Variants in MAN1A1 observed in about 807,000 individuals in gnomAD.
The protein encoded by MAN1A1 is mannosyl-oligosaccharide 1,2-alpha-mannosidase IA.
A neutral mutation model predicts 70.8 loss-of-function variants in MAN1A1; 29 were observed. That is an observed-to-expected ratio of 0.41 (90% confidence interval 0.31 to 0.56). The LOEUF (loss-of-function observed/expected upper bound fraction) is 0.56. Ranked by LOEUF, MAN1A1 falls within the 20% of genes least tolerant of loss-of-function variation. MAN1A1 has a pLI of 0.29. For missense variants in MAN1A1, 747 were observed against 841.3 expected (o/e 0.89, Z 1.39); for synonymous variants, 349 against 330.1 (o/e 1.06, Z -0.62).
At chr6:119,232,708 T>C (rs1774721364) in intron 6 of MAN1A1, among the ~76,000 whole-genome samples, 1 of 150,578 alleles carries the variant, frequency 6.6e-6, no homozygotes, top group Admixed American at 6.6e-5. Context: ...TGTGTGTGTG[T>C]GTGTGTGTGT....
At chr6:119,292,889 T>G (rs1028897990) in intron 4 of MAN1A1, among the ~76,000 whole-genome samples, 4 of 152,100 alleles carry the variant, frequency 2.6e-5, no homozygotes, top group Non-Finnish European at 5.9e-5. Context: ...AAATTACTGA[T>G]AAGGAAAAGC....
At chr6:119,306,480 G>C (rs1772528111) in intron 3 of MAN1A1, among the ~76,000 whole-genome samples, 1 of 152,138 alleles carries the variant, frequency 6.6e-6, no homozygotes, top group African/African-American at 2.4e-5. Context: ...TTGAGATACA[G>C]TGAAGATCAC....
chr6:119,234,886 C>T (rs1438412330), intron 6 of MAN1A1, among the ~76,000 whole-genome samples: 3 of 152,190 alleles, frequency 2.0e-5, no homozygotes, highest in Non-Finnish European at 4.4e-5. Flanking sequence ...ACAGCCTGTG[C>T]TCACGTTGTG....
At chr6:119,263,597 C>T (rs1299000151) in intron 5 of MAN1A1, among the ~76,000 whole-genome samples, 7 of 152,268 alleles carry the variant, frequency 4.6e-5, no homozygotes, top group African/African-American at 1.7e-4. Context: ...TACCTAACTT[C>T]CATGACACGC....
chr6:119,342,638 G>A (rs1773626701), intron 2 of MAN1A1, among the ~76,000 whole-genome samples: 1 of 152,212 alleles, frequency 6.6e-6, no homozygotes. Flanking sequence ...TGCTTCAAAT[G>A]GATGGATCAG....
At chr6:119,303,271 T>C (rs1456734326) in intron 3 of MAN1A1, among the ~76,000 whole-genome samples, 5 of 152,162 alleles carry the variant, frequency 3.3e-5, no homozygotes, top group East Asian at 1.9e-4. Context: ...CCTCCCACTT[T>C]GGCCTTCCAG....
chr6:119,319,045 A>G (rs1031926248), intron 2 of MAN1A1, among the ~76,000 whole-genome samples: 3 of 152,204 alleles, frequency 2.0e-5, no homozygotes, highest in Non-Finnish European at 4.4e-5. Context: ...AAAAGTACTG[A>G]GATATGGATT....
intron 2 of MAN1A1, among the ~76,000 whole-genome samples, chr6:119,314,971 C>G (rs1315274872): frequency 6.6e-6 from 1 of 152,178 alleles, no homozygotes; most frequent in East Asian, 1.9e-4. Flanking sequence ...ATGAATTCCT[C>G]TCCTCATGCC....
intron 6 of MAN1A1, among the ~76,000 whole-genome samples, chr6:119,219,641 T>C (rs1223386521): frequency 2.6e-5 from 4 of 150,980 alleles, no homozygotes; most frequent in African/African-American, 4.9e-5. Flanking sequence ...AAAAAAAAAA[T>C]TCACCAAATG....
At chr6:119,289,788 TAAAC>T (rs1776483297) in intron 5 of MAN1A1, among the ~76,000 whole-genome samples, 1 of 152,040 alleles carries the variant, frequency 6.6e-6, no homozygotes, top group South Asian at 2.1e-4. Flanking sequence ...CTTTTCTCAT[TAAAC>T]ATTTATTGCT....
chr6:119,276,269 G>A (rs1776061563), intron 5 of MAN1A1, among the ~76,000 whole-genome samples: 1 of 152,098 alleles, frequency 6.6e-6, no homozygotes. Flanking sequence ...TTTCTTCAGA[G>A]CTCTTATTGC....
intron 2 of MAN1A1, among the ~76,000 whole-genome samples, chr6:119,341,288 G>A (rs567597198): frequency 3.5e-4 from 54 of 152,180 alleles, no homozygotes; most frequent in Non-Finnish European, 6.5e-4. Context: ...CAGCAAAGAC[G>A]TCCCACCTCC....
rs567995923 is a variant in MAN1A1 at position 119,326,297 on chromosome 6, C to T, written c.604-19305G>A. Among the ~76,000 whole-genome samples the T allele has an allele frequency of 2.6e-5, 4 of 152,306 alleles. No individual in the cohort carries two copies. In the East Asian group the frequency reaches 5.8e-4, roughly 22 times the overall value. ...AGCTGTGTCCTGGCTCCTCACTGTC[C>T]GTCTGCAAAGACGGAAAAGACGGAC... On this transcript the variant is annotated intron_variant, in intron 2 of 12. Transcript: ENST00000368468.
intron 2 of MAN1A1, among the ~76,000 whole-genome samples, chr6:119,316,748 A>T (rs554867485): frequency 5.9e-5 from 9 of 152,084 alleles, no homozygotes; most frequent in Admixed American, 3.3e-4. Flanking sequence ...AGATTTGTCA[A>T]CCTTATAAAG....
At chr6:119,274,684 C>T (rs1284460933) in intron 5 of MAN1A1, among the ~76,000 whole-genome samples, 1 of 152,096 alleles carries the variant, frequency 6.6e-6, no homozygotes. Flanking sequence ...CAATGTCACA[C>T]CAAAATATAT....
intron 5 of MAN1A1, among the ~76,000 whole-genome samples, chr6:119,265,098 T>A (rs1462040231): frequency 1.0e-5 from 1 of 95,600 alleles, no homozygotes; most frequent in Non-Finnish European, 2.2e-5. Flanking sequence ...AGTGCCTTTT[T>A]TAAATTTTTT....
chr6:119,294,110 G>A (rs1207654225), intron 4 of MAN1A1, among the ~76,000 whole-genome samples: 2 of 151,898 alleles, frequency 1.3e-5, no homozygotes, highest in African/African-American at 2.4e-5. Context: ...ATCTTCTTTG[G>A]CCCATATGAG....
At chr6:119,217,052 T>C (rs1323689610) in intron 6 of MAN1A1, among the ~76,000 whole-genome samples, 1 of 152,212 alleles carries the variant, frequency 6.6e-6, no homozygotes, top group Admixed American at 6.5e-5. Context: ...AGTCATAAAG[T>C]ATGTATTTAA....
chr6:119,246,311 T>C (rs1184308064), intron 6 of MAN1A1, among the ~76,000 whole-genome samples: 3 of 152,198 alleles, frequency 2.0e-5, no homozygotes, highest in Non-Finnish European at 2.9e-5. Flanking sequence ...TCATCTGCTC[T>C]AGGATTGTAA....
Sources: allele counts gnomAD v4.1 joint callset (sites outside exome capture counted in the v4.1 genomes callset), GRCh38; gene constraint gnomAD v4.1.1; transcripts MANE v1.5; gene names NCBI Gene and HGNC (gene_info 2026-07-23, HGNC 2026-07-21).